DCTN6: variants seen among roughly 807,000 people sequenced by gnomAD.
The protein encoded by DCTN6 is dynactin 6.
Under a neutral mutation model 25.8 loss-of-function variants are expected in DCTN6, and 15 were observed. That is an observed-to-expected ratio of 0.58 (90% CI 0.39 to 0.89). DCTN6 has a LOEUF of 0.89. DCTN6 is among the 40% of genes least tolerant of loss of function. The pLI, the probability that DCTN6 is intolerant of heterozygous loss-of-function variation, is 0.00. For synonymous variants in DCTN6, 64 were observed against 78.3 expected, an observed-to-expected ratio of 0.82 and a Z score of 0.96; for missense variants, 198 against 237.6, an observed-to-expected ratio of 0.83 and a Z score of 1.09.
intron 2 of DCTN6, among the ~76,000 whole-genome samples, chr8:30,174,575 A>T (rs1803806229): frequency 6.6e-6 from 1 of 152,076 alleles, no homozygotes; most frequent in Admixed American, 6.6e-5. Flanking sequence ...ACCTTAAGCG[A>T]TCTCCCCGCC....
intron 2 of DCTN6, among the ~76,000 whole-genome samples, chr8:30,173,757 A>G (rs1165393672): frequency 6.7e-6 from 1 of 148,284 alleles, no homozygotes; most frequent in Admixed American, 6.7e-5. Context: ...AAAAAAAACC[A>G]GTTTACACAA....
intron 1 of DCTN6, among the ~76,000 whole-genome samples, chr8:30,159,055 TA>T (rs1803563703): frequency 6.6e-6 from 1 of 152,150 alleles, no homozygotes; most frequent in Admixed American, 6.5e-5. Flanking sequence ...GTGGTGGGAT[TA>T]CAGGCGTGAG....
intron 2 of DCTN6, among the ~76,000 whole-genome samples, chr8:30,173,613 C>T (rs1803791336): frequency 6.6e-6 from 1 of 151,640 alleles, no homozygotes; most frequent in Admixed American, 6.6e-5. Context: ...GCCTGTAGTT[C>T]CAGTGATTCA....
chr8:30,179,571 A>G (rs1803886784), intron 5 of DCTN6, 116 bp downstream of exon 5: 1 of 790,316 alleles, frequency 1.3e-6, no homozygotes, highest in Non-Finnish European at 2.0e-6. Context: ...AGTGGGCTAC[A>G]ATAGCTGGCG....
chr8:30,156,526 C>T (rs1803527574), intron 1 of DCTN6, 120 bp downstream of exon 1: 1 of 1,241,866 alleles, frequency 8.1e-7, no homozygotes, highest in Non-Finnish European at 1.2e-6. Context: ...GCCGAAGGTA[C>T]CTGAAGCCCA....
At chr8:30,156,688 G>C (rs1406861853) in intron 1 of DCTN6, among the ~76,000 whole-genome samples, 1 of 128,222 alleles carries the variant, frequency 7.8e-6, no homozygotes, top group Non-Finnish European at 1.6e-5. Context: ...CCGGGAGGGC[G>C]GGGGGGGCTG....
chr8:30,183,169 A>T lies in DCTN6; in HGVS notation c.569A>T (p.Asn190Ile), dbSNP rs1305970874. ...AAAGGAAGCTCAACTCCAGTAAAGA[A>T]CTAAGAACAGTGTATAACATGAAGA... ...TMKGSSTPVKN is the reference protein window; with the variant it reads ...TMKGSSTPVKI The change falls in exon 7 of 7, where the codon AAC (asparagine) becomes ATC (isoleucine). Residue 190 changes from asparagine (N) to isoleucine (I), a missense_variant. By Grantham distance (149) the Asn-to-Ile change is moderately radical. Transcript: ENST00000221114. 7.4e-6 allele frequency: 12 copies of T among 1,612,764 alleles called. No individual in the cohort carries two copies. Among genetic ancestry groups the T allele is most frequent in the Non-Finnish European group, 1.0e-5 (12 of 1,179,064 alleles).
intron 2 of DCTN6, among the ~76,000 whole-genome samples, chr8:30,166,382 A>G (rs1360234615): frequency 6.7e-6 from 1 of 149,130 alleles, no homozygotes; most frequent in Non-Finnish European, 1.5e-5. Context: ...TCCTGGGCTC[A>G]AGCGATCCTC....
At chr8:30,172,583 T>C (rs1803778671) in intron 2 of DCTN6, among the ~76,000 whole-genome samples, 1 of 152,090 alleles carries the variant, frequency 6.6e-6, no homozygotes, top group African/African-American at 2.4e-5. Context: ...CCTGAGTAGC[T>C]GAGACCACAG....
At chr8:30,169,300 C>G (rs1585501760) in intron 2 of DCTN6, among the ~76,000 whole-genome samples, 2 of 151,046 alleles carry the variant, frequency 1.3e-5, no homozygotes, top group South Asian at 2.1e-4. Context: ...GAGCTTAAGG[C>G]CTTTTGAATT....
intron 6 of DCTN6, 118 bp downstream of exon 6, chr8:30,180,748 G>C (rs1310338745): frequency 1.8e-5 from 23 of 1,252,882 alleles, no homozygotes; most frequent in Non-Finnish European, 2.3e-5. Context: ...TAAAACAAAA[G>C]ATGCCAGTCT....
chr8:30,168,024 G>A (rs1020808473), intron 2 of DCTN6, among the ~76,000 whole-genome samples: 2 of 152,110 alleles, frequency 1.3e-5, no homozygotes, highest in African/African-American at 2.4e-5. Flanking sequence ...AATCTCTAGC[G>A]ATTTAAAGTT....
chr8:30,167,931 C>T (rs1489376521), intron 2 of DCTN6, among the ~76,000 whole-genome samples: 2 of 152,178 alleles, frequency 1.3e-5, no homozygotes, highest in African/African-American at 4.8e-5. Context: ...AAACTCCTAA[C>T]CTCAAATGAT....
At chr8:30,168,611 T>C (rs1428729532) in intron 2 of DCTN6, among the ~76,000 whole-genome samples, 2 of 152,250 alleles carry the variant, frequency 1.3e-5, no homozygotes, top group Non-Finnish European at 2.9e-5. Flanking sequence ...TTACAAATTA[T>C]TCCATTCTGA....
At chr8:30,167,091 AGAAAG>A (rs763805853) in intron 2 of DCTN6, among the ~76,000 whole-genome samples, 12 of 151,830 alleles carry the variant, frequency 7.9e-5, no homozygotes, top group East Asian at 1.9e-4. Context: ...GAAGGAAAGA[AGAAAG>A]GAAAGGAAGA....
intron 2 of DCTN6, among the ~76,000 whole-genome samples, chr8:30,165,443 A>G (rs981513257): frequency 7.1e-6 from 1 of 141,160 alleles, no homozygotes; most frequent in Non-Finnish European, 1.5e-5. Flanking sequence ...TTCTTTAATG[A>G]AAAAAAAAAA....
intron 4 of DCTN6, among the ~76,000 whole-genome samples, chr8:30,177,954 G>A (rs1439960168): frequency 6.6e-6 from 1 of 152,174 alleles, no homozygotes; most frequent in Non-Finnish European, 1.5e-5. Context: ...CAATGGCTGA[G>A]TGACAGTAAA....
At chr8:30,179,528 TA>T in intron 5 of DCTN6, 73 bp downstream of exon 5, 1 of 1,332,376 alleles carries the variant, frequency 7.5e-7, no homozygotes, top group Non-Finnish European at 1.0e-6. Flanking sequence ...GGAAACAACC[TA>T]ATAGAAACTG....
rs560656227 is a variant in DCTN6 at position 30,165,040 on chromosome 8, AGAG to A, written c.88+869_88+871del. On this transcript the variant is annotated intron_variant, in intron 2 of 6. Coordinates refer to ENST00000221114, the MANE Select transcript of DCTN6 (RefSeq NM_006571.4). ...GATCAGGGTTCTATTACAAGGAAAA[AGAG>A]GAGAAGAGATATTGGATGGCAATGA... is the stretch of plus-strand genomic sequence containing the variant. Among the ~76,000 whole-genome samples the A allele has an allele frequency of 4.1e-4, 63 of 152,352 alleles. 2 individuals are homozygous for A. In the South Asian group the frequency reaches 4.6e-3, roughly 11 times the overall value.
Sources: allele counts gnomAD v4.1 joint callset (sites outside exome capture counted in the v4.1 genomes callset), GRCh38; gene constraint gnomAD v4.1.1; transcripts MANE v1.5; gene names NCBI Gene and HGNC (gene_info 2026-07-23, HGNC 2026-07-21).